Variants in KCNK2 observed in about 807,000 individuals in gnomAD.
KCNK2 encodes potassium channel subfamily K member 2.
A neutral mutation model predicts 40.5 loss-of-function variants in KCNK2; 21 were observed. The ratio of observed to expected loss-of-function variants is 0.52; its 90% CI spans 0.37 to 0.75. The LOEUF is 0.75. KCNK2 is among the 30% of genes least tolerant of loss of function. The pLI is 0.00. For synonymous variants in KCNK2, 191 were observed against 202.2 expected, an observed-to-expected ratio of 0.94 and a Z score of 0.47; for missense variants, 399 against 531.6, an observed-to-expected ratio of 0.75 and a Z score of 2.45.
At chr1:215,139,485 T>A (rs984409690) in intron 3 of KCNK2, among the ~76,000 whole-genome samples, 2 of 152,254 alleles carry the variant, frequency 1.3e-5, no homozygotes, top group South Asian at 2.1e-4. Context: ...GGGTATTTTT[T>A]AAAAAAATAT....
chr1:215,186,964 T>C (rs189780657), intron 5 of KCNK2, among the ~76,000 whole-genome samples: 1 of 152,286 alleles, frequency 6.6e-6, no homozygotes, highest in African/African-American at 2.4e-5. Context: ...ATTTACTTAA[T>C]TTTATTTTAT....
intron 6 of KCNK2, among the ~76,000 whole-genome samples, chr1:215,230,090 T>TAC (rs1558149929): frequency 5.9e-5 from 1 of 16,894 alleles, no homozygotes; most frequent in African/African-American, 1.2e-4. Flanking sequence ...TGTGTGTGTG[T>TAC]ATACACACAC....
upstream of KCNK2, among the ~76,000 whole-genome samples, chr1:215,078,349 T>C (rs1443201096): frequency 6.6e-6 from 1 of 152,230 alleles, no homozygotes; most frequent in East Asian, 1.9e-4. Context: ...TGAATTGGTC[T>C]GTTCTCACAA....
At chr1:215,052,064 A>T (rs1658009233) in intron 1 of KCNK2, among the ~76,000 whole-genome samples, 3 of 152,222 alleles carry the variant, frequency 2.0e-5, no homozygotes, top group Admixed American at 6.5e-5. Context: ...TGCAGTGAAT[A>T]ATATGGATAT....
intron 3 of KCNK2, among the ~76,000 whole-genome samples, chr1:215,151,283 A>G (rs1461754758): frequency 6.6e-6 from 1 of 152,082 alleles, no homozygotes. Context: ...TTCCAATCTC[A>G]TTGAGTAGGC....
intron 3 of KCNK2, among the ~76,000 whole-genome samples, chr1:215,127,997 T>A (rs1661505782): frequency 6.6e-6 from 1 of 152,186 alleles, no homozygotes; most frequent in Non-Finnish European, 1.5e-5. Context: ...TCCTTGACTT[T>A]AAGTTGTACA....
chr1:215,042,917 T>A (rs1409594182), intron 1 of KCNK2, among the ~76,000 whole-genome samples: 3 of 152,224 alleles, frequency 2.0e-5, no homozygotes, highest in African/African-American at 7.2e-5. Context: ...CAATGTATCC[T>A]TTCATTCTAG....
chr1:215,146,757 T>G (rs1662434338), intron 3 of KCNK2, among the ~76,000 whole-genome samples: 1 of 152,240 alleles, frequency 6.6e-6, no homozygotes. Context: ...ATTAATAGTT[T>G]AAATCTCAGC....
intron 1 of KCNK2, among the ~76,000 whole-genome samples, chr1:215,009,492 A>G (rs1352493621): frequency 6.6e-6 from 1 of 152,078 alleles, no homozygotes; most frequent in African/African-American, 2.4e-5. Flanking sequence ...GTGGAGAGAG[A>G]AGCTATGTTT....
intron 3 of KCNK2, among the ~76,000 whole-genome samples, chr1:215,161,581 C>T (rs568336303): frequency 1.3e-5 from 2 of 150,650 alleles, no homozygotes; most frequent in East Asian, 2.0e-4. Flanking sequence ...CCCCTTAGCA[C>T]CCCAGCCCCC....
At chr1:215,187,866 A>T (rs1309044556) in intron 5 of KCNK2, among the ~76,000 whole-genome samples, 1 of 151,754 alleles carries the variant, frequency 6.6e-6, no homozygotes, top group Non-Finnish European at 1.5e-5. Flanking sequence ...AAAAAAAAAA[A>T]AGAGGAAAGA....
chr1:215,199,851 G>A (rs1395144821), intron 6 of KCNK2, among the ~76,000 whole-genome samples: 3 of 152,126 alleles, frequency 2.0e-5, no homozygotes, highest in East Asian at 1.9e-4. Context: ...GTAGAGCATC[G>A]TTACTACACA....
chr1:215,007,037 A>ATATGTGTGTGTGTGTGTGTGTG (rs1330420661), intron 1 of KCNK2, among the ~76,000 whole-genome samples: 2 of 51,588 alleles, frequency 3.9e-5, no homozygotes, highest in South Asian at 5.7e-4. Context: ...ATATATATAT[A>ATATGTGTGTGTGTGTGTGTGTG]TGTGTGTGTG....
chr1:215,146,592 A>G (rs967552839), intron 3 of KCNK2, among the ~76,000 whole-genome samples: 57 of 152,146 alleles, frequency 3.7e-4, no homozygotes, highest in African/African-American at 1.3e-3. Context: ...ATATATACAT[A>G]CTTTCCCAGT....
At chr1:215,074,481 C>A (rs1658865307) in intron 1 of KCNK2, among the ~76,000 whole-genome samples, 1 of 152,150 alleles carries the variant, frequency 6.6e-6, no homozygotes, top group Admixed American at 6.5e-5. Flanking sequence ...CTTCATAAAG[C>A]CACATTCAGT....
chr1:215,086,354 T>A lies in KCNK2; in HGVS notation c.47-14T>A. 6.2e-7 allele frequency: 1 copy of A among 1,609,020 alleles called. No homozygotes were observed. Among genetic ancestry groups the A allele is most frequent in the Non-Finnish European group, 8.5e-7 (1 of 1,176,106 alleles). ...ATCTCCTCCAACCTAACCCTCATTC[T>A]CTGTTGTTGTCAGTGGCGGCACCTG... On this transcript the variant is annotated splice_polypyrimidine_tract_variant and intron_variant, in intron 1 of 6. Coordinates refer to ENST00000444842, the MANE Select transcript of KCNK2 (RefSeq NM_001017425.3).
At chr1:215,162,198 G>T (rs1376578715) in intron 3 of KCNK2, among the ~76,000 whole-genome samples, 1 of 152,140 alleles carries the variant, frequency 6.6e-6, no homozygotes, top group Admixed American at 6.5e-5. Flanking sequence ...TCTTTTATGT[G>T]TTCGTTGGCT....
At chr1:215,083,709 G>T (rs746757541) in intron 1 of KCNK2, 32 of 550,716 alleles carry the variant, frequency 5.8e-5, no homozygotes, top group Non-Finnish European at 1.0e-4. Flanking sequence ...TGGAGAAGGA[G>T]GGTCAGCCCT....
At chr1:215,201,734 C>T (rs1254276011) in intron 6 of KCNK2, among the ~76,000 whole-genome samples, 1 of 152,116 alleles carries the variant, frequency 6.6e-6, no homozygotes, top group Non-Finnish European at 1.5e-5. Flanking sequence ...GGTGTGTTCG[C>T]TTACTGATCT....
Sources: allele counts gnomAD v4.1 joint callset (sites outside exome capture counted in the v4.1 genomes callset), GRCh38; gene constraint gnomAD v4.1.1; transcripts MANE v1.5; gene names NCBI Gene and HGNC (gene_info 2026-07-23, HGNC 2026-07-21).